CAMK1D: variants seen among roughly 807,000 people sequenced by gnomAD.
CAMK1D encodes calcium/calmodulin-dependent protein kinase type 1D.
A neutral mutation model predicts 47.7 loss-of-function variants in CAMK1D; 9 were observed. The ratio of observed to expected loss-of-function variants is 0.19; its 90% confidence interval spans 0.11 to 0.33. The LOEUF (loss-of-function observed/expected upper bound fraction) is 0.33. Ranked by LOEUF, CAMK1D falls within the 10% of genes least tolerant of loss-of-function variation. CAMK1D has a pLI of 1.00. For synonymous variants in CAMK1D, 184 were observed against 184.9 expected (o/e 0.99, Z 0.04); for missense variants, 291 against 488.7 (o/e 0.60, Z 3.81).
chr10:12,807,214 C>T (rs1233486632), intron 6 of CAMK1D, among the ~76,000 whole-genome samples: 1 of 152,188 alleles, frequency 6.6e-6, no homozygotes, highest in Non-Finnish European at 1.5e-5. Flanking sequence ...AGGAATCACT[C>T]GTTGATATCC....
At chr10:12,395,583 A>G (rs1838913042) in intron 1 of CAMK1D, among the ~76,000 whole-genome samples, 1 of 152,076 alleles carries the variant, frequency 6.6e-6, no homozygotes, top group African/African-American at 2.4e-5. Context: ...TAAGTGAGGA[A>G]TGTTCTGTTA....
chr10:12,777,203 G>T (rs1321891905), intron 5 of CAMK1D, among the ~76,000 whole-genome samples: 1 of 152,076 alleles, frequency 6.6e-6, no homozygotes, highest in East Asian at 1.9e-4. Flanking sequence ...GCTGGATCCC[G>T]CAGAGGATAC....
intron 8 of CAMK1D, among the ~76,000 whole-genome samples, chr10:12,819,670 T>C (rs1012364883): frequency 1.3e-5 from 2 of 152,240 alleles, no homozygotes; most frequent in African/African-American, 4.8e-5. Context: ...AATTTATACC[T>C]TTCCCTTTGG....
intron 1 of CAMK1D, among the ~76,000 whole-genome samples, chr10:12,399,733 G>A (rs540983954): frequency 6.6e-6 from 1 of 152,152 alleles, no homozygotes; most frequent in Non-Finnish European, 1.5e-5. Flanking sequence ...TTGCATTTTT[G>A]TTGGTGATTT....
chr10:12,655,556 G>A (rs1054642030), intron 2 of CAMK1D, among the ~76,000 whole-genome samples: 1 of 152,196 alleles, frequency 6.6e-6, no homozygotes, highest in Non-Finnish European at 1.5e-5. Context: ...ACTTTTGGAA[G>A]GTGAGAATTA....
chr10:12,687,466 G>A (rs147867147), intron 3 of CAMK1D, among the ~76,000 whole-genome samples: 26 of 152,308 alleles, frequency 1.7e-4, no homozygotes, highest in African/African-American at 5.8e-4. Flanking sequence ...TGGAATCTCT[G>A]TGAGCTGACG....
intron 1 of CAMK1D, among the ~76,000 whole-genome samples, chr10:12,500,746 A>G (rs1834676538): frequency 1.3e-5 from 2 of 152,234 alleles, no homozygotes; most frequent in Non-Finnish European, 1.5e-5. Flanking sequence ...TTTATTAGAC[A>G]TGAAGTGTGG....
chr10:12,503,436 G>T (rs553771931), intron 1 of CAMK1D, among the ~76,000 whole-genome samples: 1 of 152,186 alleles, frequency 6.6e-6, no homozygotes, highest in Non-Finnish European at 1.5e-5. Context: ...GGCAGCCTGG[G>T]CTACTTTTAA....
intron 1 of CAMK1D, among the ~76,000 whole-genome samples, chr10:12,489,021 C>T (rs1304524208): frequency 1.3e-5 from 2 of 150,808 alleles, no homozygotes; most frequent in Admixed American, 6.6e-5. Context: ...CTGCAAGCTC[C>T]GCCTCCCAGG....
At chr10:12,372,109 A>G (rs766592446) in intron 1 of CAMK1D, among the ~76,000 whole-genome samples, 2 of 152,228 alleles carry the variant, frequency 1.3e-5, no homozygotes, top group Non-Finnish European at 2.9e-5. Flanking sequence ...GTCTAGGAGC[A>G]GTAGCTGTAT....
chr10:12,354,406 A>G (rs140539516), intron 1 of CAMK1D, among the ~76,000 whole-genome samples: 1,956 of 151,476 alleles, frequency 0.013, 27 homozygotes, highest in Non-Finnish European at 0.022. Flanking sequence ...GGAACAGGGA[A>G]CATGAGATAA....
intron 3 of CAMK1D, among the ~76,000 whole-genome samples, chr10:12,709,262 T>C (rs183353238): frequency 1.2e-3 from 182 of 152,014 alleles, no homozygotes; most frequent in African/African-American, 4.0e-3. Flanking sequence ...ATGGAATACA[T>C]TGTAGCTGAG....
intron 2 of CAMK1D, among the ~76,000 whole-genome samples, chr10:12,569,143 A>G (rs1398997466): frequency 2.6e-5 from 4 of 152,200 alleles, no homozygotes; most frequent in African/African-American, 7.2e-5. Flanking sequence ...TTCAGGGTGT[A>G]TGTTTCAGAC....
chr10:12,827,353 CCTTT>C (rs1222506374), intron 10 of CAMK1D, among the ~76,000 whole-genome samples: 7 of 74,784 alleles, frequency 9.4e-5, no homozygotes, highest in African/African-American at 2.0e-4. Flanking sequence ...CTTCCTTCTT[CCTTT>C]CTTTCTTTCT....
At chr10:12,716,187 T>C (rs932570010) in intron 3 of CAMK1D, among the ~76,000 whole-genome samples, 2 of 152,150 alleles carry the variant, frequency 1.3e-5, no homozygotes, top group Non-Finnish European at 2.9e-5. Flanking sequence ...TTGAAATCCC[T>C]TAGACCAGGG....
chr10:12,477,941 C>T (rs12780204), intron 1 of CAMK1D, among the ~76,000 whole-genome samples: 22,636 of 151,906 alleles, frequency 0.15, 1,793 homozygotes, highest in South Asian at 0.21. Flanking sequence ...TCCTTAGTTC[C>T]TGAATTCTAG....
chr10:12,604,571 T>G (rs772277297), intron 2 of CAMK1D, among the ~76,000 whole-genome samples: 4 of 152,222 alleles, frequency 2.6e-5, no homozygotes, highest in Non-Finnish European at 4.4e-5. Context: ...TGAGGGCCAC[T>G]TTTAATTATC....
intron 5 of CAMK1D, among the ~76,000 whole-genome samples, chr10:12,770,421 A>G (rs956692915): frequency 2.1e-5 from 3 of 142,190 alleles, no homozygotes; most frequent in African/African-American, 7.4e-5. Flanking sequence ...TCCTGGAGAA[A>G]CACCATTAGA....
chr10:12,644,035 T>C (rs1303933019), intron 2 of CAMK1D, among the ~76,000 whole-genome samples: 1 of 152,138 alleles, frequency 6.6e-6, no homozygotes, highest in African/African-American at 2.4e-5. Flanking sequence ...TACATTACAA[T>C]GTAACAATCA....
Sources: gnomAD v4.1 joint callset for allele counts (sites outside exome capture counted in the v4.1 genomes callset) on GRCh38, gnomAD v4.1.1 for gene constraint, MANE v1.5 for transcripts, NCBI Gene and HGNC (gene_info 2026-07-23, HGNC 2026-07-21) for gene names.